Variants in ZHX2 observed in about 807,000 individuals in gnomAD.
The protein encoded by ZHX2 is zinc fingers and homeoboxes 2, also known as zinc fingers and homeoboxes protein 2.
A neutral mutation model predicts 21.9 loss-of-function variants in ZHX2; 6 were observed. The observed-to-expected ratio is 0.27, with a 90% CI of 0.15 to 0.54. ZHX2 has a LOEUF of 0.54. Among genes scored for constraint, ZHX2 ranks in the 20% least tolerant of loss-of-function variants. The probability of loss-of-function intolerance (pLI) is 0.95; values close to 1 mark genes in which losing one functional copy is unlikely to be tolerated. For synonymous variants in ZHX2, 434 were observed against 437.1 expected (o/e 0.99, Z 0.09); for missense variants, 908 against 1,090.7 (o/e 0.83, Z 2.36).
intron 2 of ZHX2, among the ~76,000 whole-genome samples, chr8:122,930,017 C>T (rs1820945955): frequency 6.6e-6 from 1 of 152,174 alleles, no homozygotes; most frequent in Admixed American, 6.5e-5. Flanking sequence ...CCGTTACCTG[C>T]TTCTAAAACC....
intron 1 of ZHX2, among the ~76,000 whole-genome samples, chr8:122,791,104 GAA>G (rs1563731396): frequency 6.6e-6 from 1 of 152,224 alleles, no homozygotes; most frequent in Non-Finnish European, 1.5e-5. Context: ...CCATGGATTA[GAA>G]CCTGTGGCTG....
intron 2 of ZHX2, among the ~76,000 whole-genome samples, chr8:122,921,081 G>C (rs776038724): frequency 6.6e-6 from 1 of 151,704 alleles, no homozygotes; most frequent in Non-Finnish European, 1.5e-5. Flanking sequence ...TTTTGTTTTT[G>C]TTTTTGTTTT....
chr8:122,894,266 G>A (rs1269262119), intron 2 of ZHX2, among the ~76,000 whole-genome samples: 1 of 152,184 alleles, frequency 6.6e-6, no homozygotes, highest in Non-Finnish European at 1.5e-5. Flanking sequence ...CTTTGAAGGT[G>A]CTAGAATAAA....
chr8:122,844,737 G>C (rs552025059), intron 1 of ZHX2, among the ~76,000 whole-genome samples: 1 of 152,138 alleles, frequency 6.6e-6, no homozygotes, highest in East Asian at 1.9e-4. Context: ...CTCTCTCTCT[G>C]TGTCTGTCTG....
At chr8:122,958,990 A>G (rs1813376356) in intron 3 of ZHX2, among the ~76,000 whole-genome samples, 1 of 152,184 alleles carries the variant, frequency 6.6e-6, no homozygotes, top group Admixed American at 6.5e-5. Flanking sequence ...AGGAGCTAGG[A>G]GGGGGAGAGG....
At chr8:122,910,378 C>T (rs1820448691) in intron 2 of ZHX2, among the ~76,000 whole-genome samples, 1 of 152,172 alleles carries the variant, frequency 6.6e-6, no homozygotes, top group African/African-American at 2.4e-5. Context: ...AGCTTAAGTT[C>T]ACCTGATGGA....
At chr8:122,784,164 A>G (rs1817349260) in intron 1 of ZHX2, among the ~76,000 whole-genome samples, 1 of 152,212 alleles carries the variant, frequency 6.6e-6, no homozygotes, top group Non-Finnish European at 1.5e-5. Flanking sequence ...AGGTGGCCCC[A>G]CCCGGCGTTT....
intron 1 of ZHX2, among the ~76,000 whole-genome samples, chr8:122,847,665 C>T (rs1818783272): frequency 6.6e-6 from 1 of 152,242 alleles, no homozygotes; most frequent in Non-Finnish European, 1.5e-5. Flanking sequence ...GGGGGATGTG[C>T]TCATGATGAC....
chr8:122,781,978 C>A lies in ZHX2; in HGVS notation c.-283+32C>A, dbSNP rs918056193. On this transcript the variant is annotated intron_variant, in intron 1 of 3. Coordinates refer to ENST00000314393, the MANE Select transcript of ZHX2 (RefSeq NM_014943.5). The surrounding 1 kb of genome is among the most constrained non-coding windows in gnomAD (Gnocchi z 4.6). The stretch of plus-strand genomic sequence containing the variant: ...AACTTCGCCTCGGCGCGGAGCCCCC[C>A]AGCCGGCGCCGCCGGCCCCAAACCC... The A allele has an allele frequency of 3.9e-5, 6 of 152,368 alleles. No homozygotes were observed. The highest frequency in any genetic ancestry group is 1.4e-4 in the African/African-American group (6 of 41,552). The allele number at this position is 152,368 out of a possible 1,614,324, so 9.4% of individuals were successfully genotyped here.
intron 3 of ZHX2, among the ~76,000 whole-genome samples, chr8:122,972,991 C>T (rs1423633422): frequency 6.6e-6 from 1 of 152,200 alleles, no homozygotes; most frequent in Non-Finnish European, 1.5e-5. Flanking sequence ...CAGAAAGTCA[C>T]TCTGTTTTCA....
chr8:122,792,245 T>C (rs1203614689), intron 1 of ZHX2, among the ~76,000 whole-genome samples: 1 of 152,232 alleles, frequency 6.6e-6, no homozygotes, highest in Non-Finnish European at 1.5e-5. Context: ...TCATACACCA[T>C]GTGGTCTTTT....
chr8:122,791,887 T>C (rs934816913), intron 1 of ZHX2, among the ~76,000 whole-genome samples: 2 of 150,502 alleles, frequency 1.3e-5, no homozygotes, highest in South Asian at 2.1e-4. Flanking sequence ...AAAAAGATGA[T>C]GTATAGGATA....
chr8:122,928,118 G>T (rs1820901211), intron 2 of ZHX2, among the ~76,000 whole-genome samples: 1 of 152,016 alleles, frequency 6.6e-6, no homozygotes, highest in South Asian at 2.1e-4. Flanking sequence ...GCTCCAAGAG[G>T]ACAGCCCTAA....
At chr8:122,816,962 C>T (rs1818048242) in intron 1 of ZHX2, among the ~76,000 whole-genome samples, 1 of 151,346 alleles carries the variant, frequency 6.6e-6, no homozygotes, top group South Asian at 2.1e-4. Context: ...CTCCTTCCCT[C>T]TGGTGGCTTT....
At position 122,879,746 on chromosome 8, in the gene ZHX2, T is replaced by C. The variant is rs1178360523; in HGVS notation, c.-220+16207T>C. Among the ~76,000 whole-genome samples, 5 of 152,064 alleles carry C rather than the reference T, an allele frequency of 3.3e-5. No individual in the cohort carries two copies. The East Asian group carries it at 7.7e-4, about 24-fold the overall frequency. On this transcript the variant is annotated intron_variant, in intron 2 of 3. Transcript: ENST00000314393. Reference sequence around the variant, plus strand: ...CCTCGGGCCACGTTCCCACACACTCTTAAGACTGTGTTCAAATCCTAATTC... The same window carrying C: ...CCTCGGGCCACGTTCCCACACACTCCTAAGACTGTGTTCAAATCCTAATTC...
chr8:122,833,456 G>A (rs1818422687), intron 1 of ZHX2, among the ~76,000 whole-genome samples: 1 of 152,118 alleles, frequency 6.6e-6, no homozygotes. Flanking sequence ...TGCGGACGGG[G>A]GTGTGGTGTT....
intron 1 of ZHX2, among the ~76,000 whole-genome samples, chr8:122,784,030 A>G (rs1328866425): frequency 6.6e-6 from 1 of 152,270 alleles, no homozygotes; most frequent in African/African-American, 2.4e-5. Flanking sequence ...CAAGAAACCA[A>G]GATTCTGGGG....
At chr8:122,961,583 C>T (rs542151890) in intron 3 of ZHX2, among the ~76,000 whole-genome samples, 97 of 152,112 alleles carry the variant, frequency 6.4e-4, no homozygotes, top group Non-Finnish European at 1.3e-3. Flanking sequence ...AGGAAACTTA[C>T]GATCATGGCG....
chr8:122,844,920 C>G (rs1472205275), intron 1 of ZHX2, among the ~76,000 whole-genome samples: 9 of 152,238 alleles, frequency 5.9e-5, no homozygotes, highest in Admixed American at 5.9e-4. Context: ...TGAAGAGAAT[C>G]TACTGCCCAA....
Sources: gnomAD v4.1 joint callset for allele counts (sites outside exome capture counted in the v4.1 genomes callset) on GRCh38, gnomAD v4.1.1 for gene constraint, Gnocchi (gnomAD v3.1) non-coding constraint, MANE v1.5 for transcripts, NCBI Gene and HGNC (gene_info 2026-07-23, HGNC 2026-07-21) for gene names.